The following LAMA3 variants were observed in gnomAD, a reference collection of about 807,000 sequenced individuals.
LAMA3 encodes the protein laminin subunit alpha 3.
Under a neutral mutation model 402.0 loss-of-function variants are expected in LAMA3, and 281 were observed. The observed-to-expected ratio is 0.70, with a 90% CI of 0.63 to 0.77. LAMA3 has a LOEUF of 0.77. Among genes scored for constraint, LAMA3 ranks in the 30% least tolerant of loss-of-function variants. The pLI is 0.00. For synonymous variants in LAMA3, 1,431 were observed against 1,558.4 expected (o/e 0.92, Z 1.93); for missense variants, 3,840 against 4,215.5 (o/e 0.91, Z 2.47).
intron 10 of LAMA3, 145 bp from the exon 11 acceptor site, chr18:23,777,412 G>C: frequency 1.5e-6 from 1 of 655,818 alleles, no homozygotes; most frequent in South Asian, 1.8e-5. Flanking sequence ...TTGAGATATA[G>C]CAATATCGCC....
At chr18:23,849,624 T>C (rs1050394246) in intron 32 of LAMA3, among the ~76,000 whole-genome samples, 27 of 152,256 alleles carry the variant, frequency 1.8e-4, no homozygotes, top group African/African-American at 6.3e-4. Flanking sequence ...ATGGATTTAC[T>C]GCAGTATTTT....
intron 11 of LAMA3, among the ~76,000 whole-genome samples, chr18:23,780,623 C>G (rs914229232): frequency 1.3e-5 from 2 of 152,148 alleles, no homozygotes; most frequent in African/African-American, 4.8e-5. Context: ...GTTTGCAAGG[C>G]ACAGCTGTGC....
intron 2 of LAMA3, among the ~76,000 whole-genome samples, chr18:23,730,548 G>A (rs990079103): frequency 2.6e-5 from 4 of 151,662 alleles, no homozygotes; most frequent in African/African-American, 7.3e-5. Flanking sequence ...TTGTATTTTT[G>A]TAGAGATGGA....
At chr18:23,850,715 GA>G (rs1344167877) in intron 32 of LAMA3, among the ~76,000 whole-genome samples, 3 of 152,176 alleles carry the variant, frequency 2.0e-5, no homozygotes, top group Non-Finnish European at 4.4e-5. Context: ...TTATAGCGAT[GA>G]AAAAGTAAAT....
chr18:23,846,544 T>G (rs1383094702), intron 31 of LAMA3, 36 bp downstream of exon 31: 1 of 1,558,618 alleles, frequency 6.4e-7, no homozygotes, highest in African/African-American at 1.4e-5. Context: ...AGTTCTGCTC[T>G]GGTCCCGTGT....
Position 23,777,594 on chromosome 18 carries a change from A to G in LAMA3, c.1443A>G (p.Glu481=), listed in dbSNP as rs552518935. The G allele has an allele frequency of 6.2e-7, 1 of 1,612,366 alleles. No homozygotes were observed. The highest frequency in any genetic ancestry group is 1.1e-5 in the South Asian group (1 of 91,052). Residue 481 remains glutamate, a synonymous_variant, in exon 11 of 75, where the codon GAA becomes GAG. Coordinates refer to ENST00000313654, the MANE Select transcript of LAMA3 (RefSeq NM_198129.4). Reference sequence around the variant, plus strand: ...TTCCTGTTTCTACACCAAGTTCAGAAGATCCAGTAGCTGGAGATATAAAAG... The same window carrying G: ...TTCCTGTTTCTACACCAAGTTCAGAGGATCCAGTAGCTGGAGATATAAAAG... ...PIFPVSTPSS[E]DPVAGDIKGC...
chr18:23,690,934 CAG>C (rs1382694989), intron 1 of LAMA3, among the ~76,000 whole-genome samples: 3 of 145,338 alleles, frequency 2.1e-5, no homozygotes, highest in Non-Finnish European at 3.1e-5. Context: ...TCTGTAGAGA[CAG>C]AGTCTGGCTA....
chr18:23,814,544 C>A (rs1166154292), intron 15 of LAMA3, 42 bp downstream of exon 15: 2 of 1,302,224 alleles, frequency 1.5e-6, no homozygotes, highest in Non-Finnish European at 2.2e-6. Flanking sequence ...TTATAATGTT[C>A]TCTTAATTTT....
At chr18:23,736,698 T>C (rs1398871426) in intron 2 of LAMA3, among the ~76,000 whole-genome samples, 1 of 152,066 alleles carries the variant, frequency 6.6e-6, no homozygotes, top group Admixed American at 6.6e-5. Context: ...AAATCCTAAA[T>C]CCTCTCTGTG....
intron 3 of LAMA3, among the ~76,000 whole-genome samples, chr18:23,749,032 G>A (rs1304915621): frequency 6.6e-6 from 1 of 152,136 alleles, no homozygotes; most frequent in Non-Finnish European, 1.5e-5. Context: ...TATAGTTCCT[G>A]TGCTGTGCTT....
intron 41 of LAMA3, among the ~76,000 whole-genome samples, chr18:23,885,099 T>C (rs539544256): frequency 6.6e-6 from 1 of 152,014 alleles, no homozygotes; most frequent in East Asian, 1.9e-4. Context: ...CACAAGTAGC[T>C]CTACCTACAT....
intron 27 of LAMA3, 131 bp downstream of exon 27, chr18:23,840,060 G>C: frequency 1.0e-6 from 1 of 973,426 alleles, no homozygotes; most frequent in East Asian, 2.6e-5. Flanking sequence ...TGGAAGCTCT[G>C]GGGGTGGGCC....
At chr18:23,808,193 A>G (rs1263756290) in intron 12 of LAMA3, among the ~76,000 whole-genome samples, 1 of 152,148 alleles carries the variant, frequency 6.6e-6, no homozygotes, top group East Asian at 1.9e-4. Context: ...AGGACCATCC[A>G]TGGGCACCAA....
chr18:23,810,747 A>T (rs2063053769), intron 13 of LAMA3, among the ~76,000 whole-genome samples: 1 of 152,276 alleles, frequency 6.6e-6, no homozygotes, highest in South Asian at 2.1e-4. Context: ...GTAAATTTCC[A>T]TGTGCTATAC....
At chr18:23,896,322 C>A (rs2080871179) in intron 44 of LAMA3, among the ~76,000 whole-genome samples, 1 of 151,968 alleles carries the variant, frequency 6.6e-6, no homozygotes, top group African/African-American at 2.4e-5. Context: ...GGTGACACAG[C>A]GAGACTCCAT....
At chr18:23,715,531 T>G (rs900757079) in intron 2 of LAMA3, among the ~76,000 whole-genome samples, 13 of 152,074 alleles carry the variant, frequency 8.5e-5, no homozygotes, top group Non-Finnish European at 2.9e-5. Flanking sequence ...AGAAATCAAT[T>G]TTAAGAGTTC....
intron 1 of LAMA3, among the ~76,000 whole-genome samples, chr18:23,711,044 G>A (rs1046236219): frequency 6.6e-6 from 1 of 152,038 alleles, no homozygotes. Flanking sequence ...CATCATCTAG[G>A]GCATTACTGG....
intron 12 of LAMA3, among the ~76,000 whole-genome samples, chr18:23,788,168 CCTTT>C (rs889364358): frequency 1.3e-5 from 2 of 151,766 alleles, no homozygotes; most frequent in African/African-American, 4.8e-5. Flanking sequence ...TGCTTGATCT[CCTTT>C]CTTCTATTAT....
At position 23,849,499 on chromosome 18, in the gene LAMA3, A is replaced by T. The variant is rs576180014; in HGVS notation, c.4136+1831A>T. ...CAAAGGGAGTGGTTTGTCAACAATA[A>T]ATCGCTGCAAATGGAACTTCACACA... On this transcript the variant is annotated intron_variant, in intron 32 of 74. Coordinates refer to ENST00000313654, the MANE Select transcript of LAMA3 (RefSeq NM_198129.4). Among the ~76,000 whole-genome samples, 11 of 152,322 alleles carry T rather than the reference A, an allele frequency of 7.2e-5. 1 individual carries two copies. The South Asian group carries it at 2.3e-3, about 32-fold the overall frequency.
Sources: allele counts gnomAD v4.1 joint callset (sites outside exome capture counted in the v4.1 genomes callset), GRCh38; gene constraint gnomAD v4.1.1; transcripts MANE v1.5; gene names NCBI Gene and HGNC (gene_info 2026-07-23, HGNC 2026-07-21).